ABCB1: variants seen among roughly 807,000 people sequenced by gnomAD.
ABCB1 encodes ATP binding cassette subfamily B member 1, also known as ATP-dependent translocase ABCB1.
Under a neutral mutation model 142.0 loss-of-function variants are expected in ABCB1, and 69 were observed. The observed-to-expected ratio is 0.49, with a 90% CI of 0.40 to 0.59. The LOEUF is 0.59. Among genes scored for constraint, ABCB1 ranks in the 20% least tolerant of loss-of-function variants. The pLI, the probability that ABCB1 is intolerant of heterozygous loss-of-function variation, is 0.00. For missense variants in ABCB1, 1,326 were observed against 1,554.7 expected, an observed-to-expected ratio of 0.85 and a Z score of 2.47; for synonymous variants, 532 against 539.2, an observed-to-expected ratio of 0.99 and a Z score of 0.18.
At chr7:87,654,808 G>A (rs536257313) in intron 1 of ABCB1, among the ~76,000 whole-genome samples, 9 of 152,032 alleles carry the variant, frequency 5.9e-5, no homozygotes, top group Admixed American at 2.0e-4. Flanking sequence ...ACCACACATC[G>A]GATAAGGGGC....
intron 26 of ABCB1, among the ~76,000 whole-genome samples, chr7:87,507,670 GCTTGCCTGCCTCGTGAGGAAA>G (rs1814809195): frequency 6.6e-6 from 1 of 152,112 alleles, no homozygotes; most frequent in Non-Finnish European, 1.5e-5. Context: ...ACCTGGTGTT[GCTTGCCTGCCTCGTGAGGAAA>G]CTGTCTTCCC....
chr7:87,685,810 G>A (rs1351855028), intron 1 of ABCB1, among the ~76,000 whole-genome samples: 2 of 152,068 alleles, frequency 1.3e-5, no homozygotes, highest in African/African-American at 2.4e-5. Flanking sequence ...TTACTACAAG[G>A]AATAAATGTA....
At chr7:87,624,629 TTAAA>T (rs1041609610) in intron 1 of ABCB1, among the ~76,000 whole-genome samples, 172 of 152,278 alleles carry the variant, frequency 1.1e-3, no homozygotes, top group African/African-American at 4.0e-3. Flanking sequence ...TGTGCAATGC[TTAAA>T]TAAATAAAAA....
chr7:87,520,162 C>A (rs1344902802), intron 22 of ABCB1, among the ~76,000 whole-genome samples: 1 of 152,130 alleles, frequency 6.6e-6, no homozygotes, highest in Non-Finnish European at 1.5e-5. Context: ...CTTTTACCTT[C>A]ATCACATATG....
chr7:87,709,991 A>C (rs1372712537), intron 1 of ABCB1, among the ~76,000 whole-genome samples: 1 of 152,066 alleles, frequency 6.6e-6, no homozygotes, highest in African/African-American at 2.4e-5. Context: ...TTGTTTTTCT[A>C]GTTTAAATAT....
intron 21 of ABCB1, among the ~76,000 whole-genome samples, chr7:87,524,499 C>A: frequency 6.6e-6 from 1 of 152,026 alleles, no homozygotes; most frequent in East Asian, 1.9e-4. Flanking sequence ...AAACCAAACA[C>A]CGTATGTTCT....
chr7:87,574,337 C>T (rs894645827), intron 4 of ABCB1, among the ~76,000 whole-genome samples: 1 of 152,064 alleles, frequency 6.6e-6, no homozygotes, highest in Non-Finnish European at 1.5e-5. Context: ...ATGTTGGCCT[C>T]CAAGACACAC....
intron 8 of ABCB1, among the ~76,000 whole-genome samples, chr7:87,559,800 A>G (rs540357324): frequency 2.0e-5 from 3 of 152,266 alleles, no homozygotes; most frequent in East Asian, 1.9e-4. Flanking sequence ...TCTAACTTCT[A>G]TGGGGAGATG....
In ABCB1 at chr7:87,585,677, G is replaced by A. The variant is rs761584848; in HGVS notation, c.121C>T (p.Arg41Cys). The change falls in exon 4 of 28, where the codon CGC becomes TGC. Residue 41 changes from arginine to cysteine, a missense_variant. Transcript: ENST00000622132. ...KPTVSVFSMF[R>C]YSNWLDKLYM... ...AACTTGTCAAGCCAATTTGAATAGC[G>A]AAACTAAAAAGAGAGAAAAAAGAAT... 1.3e-5 allele frequency: 21 copies of A among 1,613,260 alleles called. No homozygotes were observed. Among genetic ancestry groups the A allele is most frequent in the African/African-American group, 2.7e-5 (2 of 74,878 alleles).
rs28381919 is a variant in ABCB1, at chr7:87,545,144, ATGTGTGTCTG to A, written c.1888-155_1888-146del. 3.3e-3 allele frequency: 2,497 copies of A among 755,280 alleles called. 15 individuals carry two copies. The highest frequency in any genetic ancestry group is 4.3e-3 in the Non-Finnish European group (1,924 of 452,076). 46.8% of individuals were successfully genotyped at this position (755,280 alleles called of 1,614,324 possible). A position where few individuals can be genotyped will look rare whatever the true frequency, so the allele number is the denominator to read the frequency against. On this transcript the variant is annotated intron_variant, in intron 15 of 27. Transcript: ENST00000622132. ...TAAAGCTAATCTGCTGTGTTGTTTT[ATGTGTGTCTG>A]TGTGTGTCTGTGTGTGTGTGTGATA... is the stretch of plus-strand genomic sequence containing the variant.
At chr7:87,674,893 A>G (rs1242842168) in intron 1 of ABCB1, among the ~76,000 whole-genome samples, 1 of 152,160 alleles carries the variant, frequency 6.6e-6, no homozygotes, top group African/African-American at 2.4e-5. Flanking sequence ...AGGCTCCCAC[A>G]GGAGCATGGT....
chr7:87,539,835 A>G (rs1013157085), intron 18 of ABCB1, among the ~76,000 whole-genome samples: 2 of 152,204 alleles, frequency 1.3e-5, no homozygotes, highest in African/African-American at 4.8e-5. Flanking sequence ...CCATGTTATG[A>G]AGGTAGTCCT....
At chr7:87,595,251 A>G (rs1819149869) in intron 3 of ABCB1, among the ~76,000 whole-genome samples, 1 of 152,196 alleles carries the variant, frequency 6.6e-6, no homozygotes, top group Admixed American at 6.5e-5. Context: ...CAGGGGAATA[A>G]TGGCATATGA....
chr7:87,563,335 C>G (rs1817649623), intron 7 of ABCB1: 1 of 454,192 alleles, frequency 2.2e-6, no homozygotes, highest in Non-Finnish European at 4.4e-6. Context: ...AATCCTGATA[C>G]CAAAACCTGG....
At chr7:87,553,701 A>G (rs58302504) in intron 9 of ABCB1, 60 bp downstream of exon 9, 10 of 1,523,806 alleles carry the variant, frequency 6.6e-6, no homozygotes, top group Non-Finnish European at 8.2e-6. Flanking sequence ...TCAAGCCAAC[A>G]TTACTGGATT....
At chr7:87,647,575 T>C (rs184725025) in intron 1 of ABCB1, among the ~76,000 whole-genome samples, 41 of 152,336 alleles carry the variant, frequency 2.7e-4, no homozygotes, top group Admixed American at 1.0e-3. Context: ...AATTAGTAAA[T>C]AAATGCAGGC....
intron 4 of ABCB1, 117 bp from the exon 5 acceptor site, chr7:87,570,340 C>A (rs1443315026): frequency 8.8e-6 from 9 of 1,022,102 alleles, no homozygotes; most frequent in East Asian, 2.4e-5. Flanking sequence ...ATAGGTCGAA[C>A]TGACTCAGTT....
At chr7:87,521,102 A>G (rs954497303) in intron 21 of ABCB1, 58 of 526,510 alleles carry the variant, frequency 1.1e-4, no homozygotes, top group African/African-American at 1.0e-3. Flanking sequence ...AATAGAAGCT[A>G]AGACTTAAAT....
intron 1 of ABCB1, among the ~76,000 whole-genome samples, chr7:87,609,856 GA>G (rs969891806): frequency 1.2e-4 from 18 of 146,724 alleles, no homozygotes; most frequent in South Asian, 2.2e-4. Context: ...TGCAAGATTT[GA>G]AAAAAAAAAT....
Sources: allele counts gnomAD v4.1 joint callset (sites outside exome capture counted in the v4.1 genomes callset), GRCh38; gene constraint gnomAD v4.1.1; transcripts MANE v1.5; gene names NCBI Gene and HGNC (gene_info 2026-07-23, HGNC 2026-07-21).